The following RFC2 variants were observed in gnomAD, a reference collection of about 807,000 sequenced individuals.
RFC2 encodes replication factor C subunit 2.
In RFC2, 34 loss-of-function variants were observed where a neutral mutation model predicts 44.8. The ratio of observed to expected loss-of-function variants is 0.76; its 90% CI spans 0.58 to 1.01. The LOEUF (loss-of-function observed/expected upper bound fraction) is 1.01. Ranked by LOEUF, RFC2 falls within the 50% of genes least tolerant of loss-of-function variation. The pLI is 0.00. For synonymous variants in RFC2, 177 were observed against 168.9 expected (o/e 1.05, Z -0.37); for missense variants, 400 against 453.6 (o/e 0.88, Z 1.07).
chr7:74,243,692 C>T (rs558380534), intron 5 of RFC2, among the ~76,000 whole-genome samples: 6 of 150,646 alleles, frequency 4.0e-5, no homozygotes, highest in African/African-American at 1.2e-4. Context: ...CCTCGAACTC[C>T]TGGGCTCAAG....
At chr7:74,247,466 T>C (rs1803685208) in intron 4 of RFC2, among the ~76,000 whole-genome samples, 1 of 151,988 alleles carries the variant, frequency 6.6e-6, no homozygotes, top group Non-Finnish European at 1.5e-5. Flanking sequence ...ACGGCGAAAA[T>C]CCATCTTTAC....
rs536985887 is a variant in RFC2 at position 74,246,622 on chromosome 7, T to C, written c.434+40A>G. On this transcript the variant is annotated intron_variant, in intron 5 of 10. Transcript: ENST00000055077. Reference sequence around the variant, plus strand: ...ATTGAATAAAACCGAAAAAGAGATTTAGAGATCAAGGTCAAAATACATTTG... The same window carrying C: ...ATTGAATAAAACCGAAAAAGAGATTCAGAGATCAAGGTCAAAATACATTTG... 24 of 1,333,610 alleles carry C rather than the reference T, an allele frequency of 1.8e-5. No homozygotes were observed. In the South Asian group the frequency reaches 2.7e-4, roughly 15 times the overall value. 82.6% of individuals were successfully genotyped at this position (1,333,610 alleles called of 1,614,324 possible). A position where few individuals can be genotyped will look rare whatever the true frequency, so the allele number is the denominator to read the frequency against.
chr7:74,245,753 A>G lies in RFC2; in HGVS notation c.434+909T>C, dbSNP rs531897840. Among the ~76,000 whole-genome samples, 4 of 145,812 alleles carry G rather than the reference A, an allele frequency of 2.7e-5. No individual in the cohort carries two copies. The South Asian group carries it at 8.7e-4, about 32-fold the overall frequency. ...AAAAAATTTATGGTTAATTATGTCC[A>G]TTTAACCACAATAAAAAAATTTACA... is the stretch of plus-strand genomic sequence containing the variant. On this transcript the variant is annotated intron_variant, in intron 5 of 10. Transcript: ENST00000055077.
intron 3 of RFC2, 107 bp downstream of exon 3, chr7:74,249,632 A>T: frequency 1.1e-6 from 1 of 895,600 alleles, no homozygotes; most frequent in Non-Finnish European, 1.9e-6. Context: ...TGCCGGGGGA[A>T]TGGGAAGGGG....
chr7:74,250,441 C>T (rs1786864364), intron 2 of RFC2, among the ~76,000 whole-genome samples: 1 of 152,020 alleles, frequency 6.6e-6, no homozygotes, highest in African/African-American at 2.4e-5. Flanking sequence ...CAGGTACTCA[C>T]CTCGGCATCT....
Position 74,240,036 on chromosome 7 carries a change from G to C in RFC2, c.595C>G (p.Leu199Val). Residue 199 changes from leucine to valine, a missense_variant, in exon 7 of 11, where the codon CTC (leucine) becomes GTC (valine). By Grantham distance (32) the Leu-to-Val change is conservative. Transcript: ENST00000055077. ...RYTKLTDAQI[L>V]TRLMNVIEKE... The stretch of plus-strand genomic sequence containing the variant: ...TCGATAACATTCATCAGCCTGGTGA[G>C]GATCTGGGCGTCGGTCAGCTTTGTG... The C allele has an allele frequency of 1.2e-6, 2 of 1,614,100 alleles. No individual in the cohort carries two copies. The highest frequency in any genetic ancestry group is 8.5e-7 in the Non-Finnish European group (1 of 1,179,976).
Position 74,252,593 on chromosome 7 carries a change from T to G in RFC2, c.114-95A>C. The G allele has an allele frequency of 3.9e-6, 3 of 774,364 alleles. No homozygotes were observed. In the South Asian group the frequency reaches 4.2e-5, roughly 11 times the overall value. 48.0% of individuals were successfully genotyped at this position (774,364 alleles called of 1,614,324 possible). On this transcript the variant is annotated intron_variant, in intron 1 of 10. Transcript: ENST00000055077. ...TTATCCTGAGAGCTTTGTTAAAAAA[T>G]TACATACATTCAGTACAACTATGCC...
In RFC2 at chr7:74,246,758, A is replaced by G; in HGVS notation, c.338T>C (p.Ile113Thr). 2 of 1,608,484 alleles carry G rather than the reference A, an allele frequency of 1.2e-6. No individual in the cohort carries two copies. The highest frequency in any genetic ancestry group is 1.7e-6 in the Non-Finnish European group (2 of 1,176,002). Residue 113 changes from isoleucine (I) to threonine (T), a missense_variant, in exon 5 of 11, where the codon ATT becomes ACT. Ile to Thr is a moderately conservative substitution (Grantham distance 89). Transcript: ENST00000055077. ...LELNASNDRG[I>T]DVVRNKIKMF... ...TTTAATTTTATTCCTCACAACGTCA[A>G]TGCCCCTGAAAGAATGACAGGTTTT...
chr7:74,235,620 C>T lies in RFC2; in HGVS notation c.866G>A (p.Gly289Asp), dbSNP rs868966869. The part of the protein sequence containing the change: ...YKILAHLWHL[G>D]YSPEDIIGNI... ...GCCAATGATATCTTCTGGTGAGTAG[C>T]CCAGATGCCACAAGTGAGCAAGAAT... The change falls in exon 10 of 11, where the codon GGC (glycine) becomes GAC (aspartate). Residue 289 changes from glycine (G) to aspartate (D), a missense_variant. Physicochemically the swap from Gly to Asp is moderately conservative, Grantham distance 94. Transcript: ENST00000055077. 1.2e-6 allele frequency: 2 copies of T among 1,612,672 alleles called. No individual in the cohort carries two copies. Among genetic ancestry groups the T allele is most frequent in the Non-Finnish European group, 1.7e-6 (2 of 1,178,698 alleles).
chr7:74,248,196 T>C (rs569838795), intron 4 of RFC2, among the ~76,000 whole-genome samples: 1 of 152,108 alleles, frequency 6.6e-6, no homozygotes, highest in East Asian at 1.9e-4. Flanking sequence ...CATTTTGGAA[T>C]TTTGCATTAT....
At chr7:74,249,206 C>T (rs782640408) in intron 3 of RFC2, 88 bp from the exon 4 acceptor site, 106 of 1,593,700 alleles carry the variant, frequency 6.7e-5, no homozygotes, top group Middle Eastern at 1.6e-4. Flanking sequence ...TTTGCATCTC[C>T]GTCACCTCTG....
At chr7:74,235,887 G>A (rs1202856965) in intron 9 of RFC2, among the ~76,000 whole-genome samples, 7 of 151,852 alleles carry the variant, frequency 4.6e-5, no homozygotes, top group South Asian at 2.1e-4. Flanking sequence ...CCAAGTTCCC[G>A]GCCTCAAGCA....
chr7:74,246,147 A>G (rs1554719949), intron 5 of RFC2, among the ~76,000 whole-genome samples: 1 of 149,038 alleles, frequency 6.7e-6, no homozygotes. Context: ...AGTGAGCTGA[A>G]ATCGCACCAC....
At chr7:74,244,007 T>C (rs369915250) in intron 5 of RFC2, among the ~76,000 whole-genome samples, 15 of 149,996 alleles carry the variant, frequency 1.0e-4, no homozygotes, top group African/African-American at 9.8e-5. Context: ...TCCCAGCACA[T>C]TGGGAGGCCG....
intron 2 of RFC2, 137 bp from the exon 3 acceptor site, chr7:74,249,917 G>A (rs541044289): frequency 2.7e-6 from 2 of 754,242 alleles, no homozygotes; most frequent in Admixed American, 3.9e-5. Context: ...CTAGCAGTTT[G>A]GGAGGCCAAG....
intron 9 of RFC2, among the ~76,000 whole-genome samples, chr7:74,236,520 C>G (rs372879904): frequency 6.6e-6 from 1 of 152,190 alleles, no homozygotes; most frequent in African/African-American, 2.4e-5. Context: ...TGAACCCCAG[C>G]CACATCTGCT....
intron 1 of RFC2, chr7:74,253,730 A>C (rs1238273623): frequency 6.5e-6 from 1 of 154,416 alleles, no homozygotes; most frequent in African/African-American, 2.4e-5. Flanking sequence ...AAAAAAAAAA[A>C]ATTAACTGGG....
In RFC2 at chr7:74,246,313, C is replaced by T. The variant is rs1303376857; in HGVS notation, c.434+349G>A. ...ACTTGGGAGGCTGAGGCCAGGGAAC[C>T]GCCTGAACCCGGGAGGCGGAGGTTG... On this transcript the variant is annotated intron_variant, in intron 5 of 10. Transcript: ENST00000055077. Among the ~76,000 whole-genome samples, 10 of 151,756 alleles carry T rather than the reference C, an allele frequency of 6.6e-5. No homozygotes were observed. The South Asian group carries it at 1.0e-3, about 16-fold the overall frequency.
intron 6 of RFC2, among the ~76,000 whole-genome samples, chr7:74,241,091 C>T (rs192374673): frequency 1.1e-4 from 16 of 151,974 alleles, no homozygotes; most frequent in South Asian, 4.2e-4. Context: ...CTATCACACC[C>T]GGCTAATTTT....
Sources: gnomAD v4.1 joint callset for allele counts (sites outside exome capture counted in the v4.1 genomes callset) on GRCh38, gnomAD v4.1.1 for gene constraint, MANE v1.5 for transcripts, NCBI Gene and HGNC (gene_info 2026-07-23, HGNC 2026-07-21) for gene names.